Variants in INSL6 observed in about 807,000 individuals in gnomAD.
The protein encoded by INSL6 is insulin-like peptide INSL6.
In INSL6, 16 loss-of-function variants were observed where a neutral mutation model predicts 9.4. The ratio of observed to expected loss-of-function variants is 1.70; its 90% CI spans 1.15 to 2.59. The LOEUF (loss-of-function observed/expected upper bound fraction) is 2.59. Ranked by LOEUF, INSL6 falls within the 30% of genes most tolerant of loss-of-function variation. The pLI, the probability that INSL6 is intolerant of heterozygous loss-of-function variation, is 0.00. For missense variants in INSL6, 391 were observed against 257.3 expected, an observed-to-expected ratio of 1.52 and a Z score of -3.56; for synonymous variants, 154 against 96.9, an observed-to-expected ratio of 1.59 and a Z score of -3.46.
the INSL6 span, among the ~76,000 whole-genome samples, chr9:5,034,910 G>T: frequency 1.3e-5 from 2 of 152,168 alleles, no homozygotes; most frequent in Non-Finnish European, 2.9e-5. Context: ...AGGACATAGA[G>T]AGACAAAAAA....
In INSL6 at chr9:5,164,294, C is replaced by T. The variant is rs766785491; in HGVS notation, c.290-29G>A. On this transcript the variant is annotated intron_variant, in intron 1 of 1. Coordinates refer to ENST00000381641, the MANE Select transcript of INSL6 (RefSeq NM_007179.3). ...TTGAGAGAGAAGAAAATAAATGCTC[C>T]TTTATTAAAATCTTCCTTTAGATGA... is the stretch of plus-strand genomic sequence containing the variant. The T allele has an allele frequency of 2.8e-6, 4 of 1,406,620 alleles. No homozygotes were observed. The South Asian group carries it at 4.9e-5, about 17-fold the overall frequency. 87.1% of individuals were successfully genotyped at this position (1,406,620 alleles called of 1,614,324 possible).
the INSL6 span, among the ~76,000 whole-genome samples, chr9:5,062,069 A>G: frequency 1.3e-5 from 2 of 152,106 alleles, no homozygotes; most frequent in South Asian, 4.1e-4. Flanking sequence ...TGGTGCCCCA[A>G]AACAATTACA....
chr9:4,998,225 G>T, the INSL6 span, among the ~76,000 whole-genome samples: 5 of 152,168 alleles, frequency 3.3e-5, no homozygotes, highest in African/African-American at 1.2e-4. Flanking sequence ...GTATTGAAAT[G>T]AGATCTTAAG....
intron 3 of INSL6, among the ~76,000 whole-genome samples, chr9:5,130,185 G>A (rs912562795): frequency 2.6e-5 from 4 of 152,188 alleles, no homozygotes; most frequent in South Asian, 2.1e-4. Context: ...TTTTTAAAAC[G>A]AGACCTTTAA....
chr9:5,013,407 G>A, the INSL6 span, among the ~76,000 whole-genome samples: 1 of 152,162 alleles, frequency 6.6e-6, no homozygotes, highest in South Asian at 2.1e-4. Flanking sequence ...GCAATAGAAT[G>A]CAAAATCACA....
At chr9:5,130,008 G>A (rs1484731146) in intron 3 of INSL6, among the ~76,000 whole-genome samples, 1 of 152,064 alleles carries the variant, frequency 6.6e-6, no homozygotes, top group African/African-American at 2.4e-5. Context: ...CTCTCAATAT[G>A]TTTCATTCTT....
the INSL6 span, chr9:5,113,479 G>C: frequency 2.1e-5 from 3 of 145,756 alleles, no homozygotes; most frequent in African/African-American, 7.8e-5. Flanking sequence ...GGCTGGATCA[G>C]ACTGGCCTAG....
chr9:5,022,268 C>G, the INSL6 span: 3 of 1,201,944 alleles, frequency 2.5e-6, no homozygotes, highest in African/African-American at 4.5e-5. Flanking sequence ...TTTAATTATG[C>G]TATGCTAATA....
chr9:5,142,329 T>G (rs1003736911), intron 2 of INSL6, among the ~76,000 whole-genome samples: 2 of 152,236 alleles, frequency 1.3e-5, no homozygotes, highest in African/African-American at 4.8e-5. Flanking sequence ...ACTATATTGA[T>G]TCTTCCTATC....
At chr9:5,071,569 G>A in the INSL6 span, among the ~76,000 whole-genome samples, 1 of 152,164 alleles carries the variant, frequency 6.6e-6, no homozygotes, top group Non-Finnish European at 1.5e-5. Flanking sequence ...TAGCTGAAGA[G>A]AGATGTAGTG....
chr9:5,114,098 C>T, the INSL6 span: 19 of 342,576 alleles, frequency 5.5e-5, no homozygotes, highest in African/African-American at 3.4e-4. Flanking sequence ...GCTGGCTGCC[C>T]GACCACACCT....
chr9:5,177,977 G>T (rs1242087042), intron 1 of INSL6, among the ~76,000 whole-genome samples: 1 of 152,168 alleles, frequency 6.6e-6, no homozygotes, highest in Admixed American at 6.5e-5. Context: ...CCAGGTTCAA[G>T]CGATTCTCCC....
intron 2 of INSL6, among the ~76,000 whole-genome samples, chr9:5,134,297 A>G (rs1438088015): frequency 6.6e-6 from 1 of 152,230 alleles, no homozygotes; most frequent in Non-Finnish European, 1.5e-5. Flanking sequence ...AACTTCCCCA[A>G]CCTAGCAAGG....
At chr9:5,085,340 C>A in the INSL6 span, 2 of 878,082 alleles carry the variant, frequency 2.3e-6, no homozygotes, top group Non-Finnish European at 3.9e-6. Context: ...AAAGCTATTC[C>A]TACATTTTTT....
the INSL6 span, among the ~76,000 whole-genome samples, chr9:5,033,869 G>A: frequency 4.6e-5 from 7 of 152,086 alleles, no homozygotes; most frequent in African/African-American, 1.4e-4. Flanking sequence ...CATAAAGACC[G>A]GATCAAATTC....
At chr9:5,128,184 T>G (rs182800121) in intron 3 of INSL6, 1 of 232,116 alleles carries the variant, frequency 4.3e-6, no homozygotes, top group Admixed American at 5.6e-5. Flanking sequence ...TCTTACTTTA[T>G]TTTTACTGGT....
At chr9:5,065,617 A>G in the INSL6 span, among the ~76,000 whole-genome samples, 1 of 152,348 alleles carries the variant, frequency 6.6e-6, no homozygotes, top group Non-Finnish European at 1.5e-5. Flanking sequence ...ATTTCTTTAC[A>G]TTTAAATAGC....
At chr9:5,112,746 G>A in the INSL6 span, 17 of 690,988 alleles carry the variant, frequency 2.5e-5, no homozygotes, top group Middle Eastern at 2.7e-4. Context: ...TGTTTGAAAC[G>A]GCGAGAAGAG....
At chr9:5,107,960 C>G in the INSL6 span, 1 of 152,006 alleles carries the variant, frequency 6.6e-6, no homozygotes, top group African/African-American at 2.4e-5. Context: ...ATGCTGTTAC[C>G]AATAATATGA....
Sources: allele counts gnomAD v4.1 joint callset (sites outside exome capture counted in the v4.1 genomes callset), GRCh38; gene constraint gnomAD v4.1.1; transcripts MANE v1.5; gene names NCBI Gene and HGNC (gene_info 2026-07-23, HGNC 2026-07-21).